Variants in LINGO2 observed in about 807,000 individuals in gnomAD.
The protein encoded by LINGO2 is leucine-rich repeat and immunoglobulin-like domain-containing nogo receptor-interacting protein 2.
In LINGO2, 14 loss-of-function variants were observed where a neutral mutation model predicts 30.6. The observed-to-expected ratio is 0.46, with a 90% confidence interval of 0.30 to 0.72. The LOEUF is 0.72. Among genes scored for constraint, LINGO2 ranks in the 30% least tolerant of loss-of-function variants. The pLI is 0.07. For missense variants in LINGO2, 729 were observed against 751.7 expected (o/e 0.97, Z 0.35); for synonymous variants, 317 against 288.5 (o/e 1.10, Z -1.00).
At chr9:28,982,749 A>C in the LINGO2 span, among the ~76,000 whole-genome samples, 1 of 152,050 alleles carries the variant, frequency 6.6e-6, no homozygotes, top group East Asian at 1.9e-4. Flanking sequence ...ACAAAGGAGA[A>C]TTATTTCATG....
chr9:28,212,539 T>C (rs1820627668), intron 4 of LINGO2, among the ~76,000 whole-genome samples: 1 of 151,318 alleles, frequency 6.6e-6, no homozygotes, highest in South Asian at 2.1e-4. Flanking sequence ...TTCCTATAGT[T>C]TTGGGTATCT....
chr9:28,870,949 C>G, the LINGO2 span, among the ~76,000 whole-genome samples: 1 of 151,756 alleles, frequency 6.6e-6, no homozygotes, highest in East Asian at 1.9e-4. Context: ...GTGTAAGTTG[C>G]CATGTTTTTT....
At chr9:28,545,372 AT>A (rs903168165) in intron 1 of LINGO2, among the ~76,000 whole-genome samples, 9 of 152,204 alleles carry the variant, frequency 5.9e-5, no homozygotes, top group Non-Finnish European at 7.4e-5. Flanking sequence ...TTTCTGTTCA[AT>A]TTTTAAAATA....
the LINGO2 span, among the ~76,000 whole-genome samples, chr9:28,728,092 A>G: frequency 2.0e-5 from 3 of 152,326 alleles, no homozygotes; most frequent in East Asian, 5.8e-4. Flanking sequence ...CACTTATAAC[A>G]GAGAACTGGG....
intron 1 of LINGO2, among the ~76,000 whole-genome samples, chr9:28,483,039 G>T (rs1390027312): frequency 6.6e-6 from 1 of 152,026 alleles, no homozygotes; most frequent in Non-Finnish European, 1.5e-5. Flanking sequence ...TTGTAAAGAA[G>T]AATTAAATAG....
At chr9:28,091,970 G>C (rs2133268792) in intron 4 of LINGO2, among the ~76,000 whole-genome samples, 1 of 152,276 alleles carries the variant, frequency 6.6e-6, no homozygotes, top group Non-Finnish European at 1.5e-5. Flanking sequence ...GGCCATCAGA[G>C]AAATGCAAAT....
intron 2 of LINGO2, among the ~76,000 whole-genome samples, chr9:28,439,225 T>C (rs1045986285): frequency 1.3e-5 from 2 of 150,866 alleles, no homozygotes; most frequent in Admixed American, 1.3e-4. Flanking sequence ...ATAGAGATAA[T>C]ATATATTCAT....
downstream of LINGO2, among the ~76,000 whole-genome samples, chr9:27,947,283 G>C (rs1180096936): frequency 6.6e-6 from 1 of 152,210 alleles, no homozygotes; most frequent in South Asian, 2.1e-4. Flanking sequence ...GATGACTGGT[G>C]GTCACGGCAT....
At chr9:29,182,561 C>A in the LINGO2 span, among the ~76,000 whole-genome samples, 5 of 152,262 alleles carry the variant, frequency 3.3e-5, no homozygotes, top group South Asian at 8.3e-4. Flanking sequence ...GGGAAAAATG[C>A]TGACCAATGA....
chr9:28,452,910 T>C (rs899747004), intron 2 of LINGO2, among the ~76,000 whole-genome samples: 5 of 151,948 alleles, frequency 3.3e-5, no homozygotes, highest in African/African-American at 1.2e-4. Context: ...ATAGTTCTTG[T>C]ATATCTTGCT....
intron 1 of LINGO2, among the ~76,000 whole-genome samples, chr9:28,553,725 A>C (rs1822455914): frequency 6.6e-6 from 1 of 151,908 alleles, no homozygotes; most frequent in African/African-American, 2.4e-5. Flanking sequence ...AATGAAGGAA[A>C]AAATGTTAAG....
At chr9:29,051,838 C>G in the LINGO2 span, among the ~76,000 whole-genome samples, 2 of 152,014 alleles carry the variant, frequency 1.3e-5, no homozygotes, top group South Asian at 4.1e-4. Context: ...TTTACTGGAC[C>G]TCTTTGTGTT....
At chr9:28,387,856 A>G (rs1326888898) in intron 2 of LINGO2, among the ~76,000 whole-genome samples, 1 of 152,112 alleles carries the variant, frequency 6.6e-6, no homozygotes, top group African/African-American at 2.4e-5. Context: ...CACCAGAAGG[A>G]AGAAACTCCA....
chr9:28,672,198 A>T (rs1829045676), upstream of LINGO2, among the ~76,000 whole-genome samples: 1 of 152,124 alleles, frequency 6.6e-6, no homozygotes, highest in African/African-American at 2.4e-5. Flanking sequence ...TATGTGCAGA[A>T]TAGTAGGACA....
chr9:28,764,822 C>A, the LINGO2 span, among the ~76,000 whole-genome samples: 2 of 151,736 alleles, frequency 1.3e-5, no homozygotes, highest in Non-Finnish European at 2.9e-5. Context: ...ACAAAATCAA[C>A]ACACAAAAAT....
Position 27,951,121 on chromosome 9 carries a change from A to C in LINGO2, c.-35-415T>G, listed in dbSNP as rs575939074. 2.0e-5 allele frequency among the ~76,000 whole-genome samples: 3 copies of C among 152,364 alleles called. No individual in the cohort carries two copies. In the East Asian group the frequency reaches 5.8e-4, roughly 29 times the overall value. On this transcript the variant is annotated intron_variant, in intron 5 of 5. Transcript: ENST00000379992. ...CAGTTGAGTTTGAATCAGTGTCGGCATCACTAATGTTTAGGATATCATCCT... is the reference window on the plus strand; with the variant it reads ...CAGTTGAGTTTGAATCAGTGTCGGCCTCACTAATGTTTAGGATATCATCCT...
At chr9:28,312,155 C>CT (rs72304845) in intron 3 of LINGO2, among the ~76,000 whole-genome samples, 1 of 143,262 alleles carries the variant, frequency 7.0e-6, no homozygotes, top group Non-Finnish European at 1.5e-5. Context: ...TTTCTTTTTT[C>CT]TTTTTTTTGT....
chr9:28,668,885 C>G (rs1828906589), intron 1 of LINGO2, among the ~76,000 whole-genome samples: 1 of 151,994 alleles, frequency 6.6e-6, no homozygotes, highest in Admixed American at 6.6e-5. Context: ...ATTCTTTTCA[C>G]AAGATTGTCA....
chr9:29,075,416 G>C, the LINGO2 span, among the ~76,000 whole-genome samples: 1 of 152,124 alleles, frequency 6.6e-6, no homozygotes, highest in Non-Finnish European at 1.5e-5. Context: ...ACTGTGATTG[G>C]AGGAGTGCAT....
Sources: gnomAD v4.1 joint callset for allele counts (sites outside exome capture counted in the v4.1 genomes callset) on GRCh38, gnomAD v4.1.1 for gene constraint, MANE v1.5 for transcripts, NCBI Gene and HGNC (gene_info 2026-07-23, HGNC 2026-07-21) for gene names.